RAVER2: variants seen among roughly 807,000 people sequenced by gnomAD.
RAVER2 encodes ribonucleoprotein, PTB binding 2.
In RAVER2, 46 loss-of-function variants were observed where a neutral mutation model predicts 78.1. The observed-to-expected ratio is 0.59, with a 90% confidence interval of 0.46 to 0.75. The LOEUF (loss-of-function observed/expected upper bound fraction) is 0.75. Ranked by LOEUF, RAVER2 falls within the 30% of genes least tolerant of loss-of-function variation. The pLI is 0.00. For missense variants in RAVER2, 793 were observed against 837.5 expected (o/e 0.95, Z 0.66); for synonymous variants, 311 against 313.3 (o/e 0.99, Z 0.08).
chr1:64,794,271 G>T (rs1327475786), intron 5 of RAVER2, among the ~76,000 whole-genome samples: 1 of 151,868 alleles, frequency 6.6e-6, no homozygotes, highest in African/African-American at 2.4e-5. Flanking sequence ...GGTGGTGGGC[G>T]CCTGTAGTCC....
chr1:64,758,570 GAGCTGAGAGGGTCTTC>G (rs1279579891), intron 1 of RAVER2, among the ~76,000 whole-genome samples: 3 of 152,162 alleles, frequency 2.0e-5, no homozygotes, highest in African/African-American at 7.2e-5. Flanking sequence ...CAGTTTCTAG[GAGCTGAGAGGGTCTTC>G]AGCTGACAGC....
At position 64,788,786 on chromosome 1, in the gene RAVER2, C is replaced by G. The variant is rs1205203183; in HGVS notation, c.979-602C>G. ...CAGACTGGGTGACAGAGCGAGACTCCGTCTCAAAAAAAAAAAAAAAAGAAG... is the reference window on the plus strand; with the variant it reads ...CAGACTGGGTGACAGAGCGAGACTCGGTCTCAAAAAAAAAAAAAAAAGAAG... On this transcript the variant is annotated intron_variant, in intron 4 of 11. Transcript: ENST00000294428. Among the ~76,000 whole-genome samples, 4 of 127,138 alleles carry G rather than the reference C, an allele frequency of 3.1e-5. No individual in the cohort carries two copies. In the East Asian group the frequency reaches 8.7e-4, roughly 28 times the overall value. 83.4% of individuals were successfully genotyped at this position (127,138 alleles called of 152,430 possible).
At chr1:64,777,702 C>A (rs746019117) in exon 3 of RAVER2, 33 of 1,613,896 alleles carry the variant, frequency 2.0e-5, no homozygotes, top group Non-Finnish European at 2.8e-5. Context: ...GAGGAAAAGA[C>A]TTAATAGTCC....
intron 2 of RAVER2, among the ~76,000 whole-genome samples, chr1:64,774,448 G>A (rs773527209): frequency 2.6e-5 from 4 of 152,118 alleles, no homozygotes; most frequent in Non-Finnish European, 4.4e-5. Flanking sequence ...TTTCCCCATC[G>A]CTTGTTTTGG....
At chr1:64,811,087 A>C (rs1458690943) in intron 9 of RAVER2, among the ~76,000 whole-genome samples, 1 of 152,228 alleles carries the variant, frequency 6.6e-6, no homozygotes, top group African/African-American at 2.4e-5. Flanking sequence ...TAGCAAAACT[A>C]ACATACATAC....
exon 7 of RAVER2, chr1:64,804,799 A>G (rs1653365919): frequency 1.3e-6 from 2 of 1,558,916 alleles, no homozygotes; most frequent in Admixed American, 1.7e-5. Flanking sequence ...CACTGGCACA[A>G]CAACAATTAA....
intron 4 of RAVER2, among the ~76,000 whole-genome samples, chr1:64,782,276 T>C (rs1342523566): frequency 6.6e-6 from 1 of 152,258 alleles, no homozygotes; most frequent in African/African-American, 2.4e-5. Flanking sequence ...ACATTGTACT[T>C]CCTTCTTTAT....
intron 11 of RAVER2, among the ~76,000 whole-genome samples, chr1:64,827,392 C>A (rs757360475): frequency 6.6e-6 from 1 of 152,032 alleles, no homozygotes; most frequent in Non-Finnish European, 1.5e-5. Context: ...GAGGGGCCTC[C>A]GTTGAAGTTA....
rs555217912 is a variant in RAVER2, at chr1:64,830,329, G to A, written c.1930-510G>A. 5.3e-5 allele frequency among the ~76,000 whole-genome samples: 8 copies of A among 152,290 alleles called. No homozygotes were observed. In the East Asian group the frequency reaches 1.5e-3, roughly 29 times the overall value. ...ATTATTGTGGAGACCAAAGCTCTGA[G>A]TTTCCCATTGCTCTCTAGAATGTTT... On this transcript the variant is annotated intron_variant, in intron 11 of 11. Transcript: ENST00000294428.
chr1:64,804,084 CCTT>C (rs1476933868), intron 6 of RAVER2, among the ~76,000 whole-genome samples: 1 of 152,120 alleles, frequency 6.6e-6, no homozygotes, highest in Non-Finnish European at 1.5e-5. Flanking sequence ...GTTTTTTCCT[CCTT>C]TGGTCTTTTC....
At chr1:64,792,120 A>G (rs1481201226) in intron 5 of RAVER2, among the ~76,000 whole-genome samples, 2 of 152,212 alleles carry the variant, frequency 1.3e-5, no homozygotes, top group Admixed American at 6.5e-5. Flanking sequence ...AAACATAAAT[A>G]GAGATGGTAT....
chr1:64,808,256 C>A (rs1352677726), intron 9 of RAVER2, among the ~76,000 whole-genome samples: 1 of 151,422 alleles, frequency 6.6e-6, no homozygotes. Context: ...ATATTTGTAC[C>A]CTAAAATACA....
Position 64,830,823 on chromosome 1 carries a change from T to C in RAVER2, c.1930-16T>C. On this transcript the variant is annotated splice_polypyrimidine_tract_variant and intron_variant, in intron 11 of 11. Coordinates refer to ENST00000294428, the Ensembl canonical transcript of RAVER2. ...CTTTAGATTTTAAAACTAGCTGCAA[T>C]TTTATTTTCTCATAGGTGTCATCTT... The C allele has an allele frequency of 1.3e-6, 2 of 1,566,128 alleles. No homozygotes were observed. The highest frequency in any genetic ancestry group is 1.7e-6 in the Non-Finnish European group (2 of 1,153,652).
At chr1:64,798,571 T>C (rs1350273317) in intron 5 of RAVER2, among the ~76,000 whole-genome samples, 1 of 152,212 alleles carries the variant, frequency 6.6e-6, no homozygotes, top group Non-Finnish European at 1.5e-5. Flanking sequence ...AAAAGTGTTT[T>C]GATATCTGTT....
intron 11 of RAVER2, among the ~76,000 whole-genome samples, chr1:64,817,599 T>TATA (rs1653785087): frequency 6.6e-6 from 1 of 152,074 alleles, no homozygotes; most frequent in Non-Finnish European, 1.5e-5. Flanking sequence ...TCATGTCCTT[T>TATA]ATAGGGACAT....
chr1:64,821,265 G>T (rs545231440), intron 11 of RAVER2, among the ~76,000 whole-genome samples: 1 of 151,670 alleles, frequency 6.6e-6, no homozygotes, highest in East Asian at 1.9e-4. Context: ...TTTTTTTCTT[G>T]TAAATTTAAG....
intron 11 of RAVER2, among the ~76,000 whole-genome samples, chr1:64,824,714 G>A (rs1653965853): frequency 6.6e-6 from 1 of 152,044 alleles, no homozygotes; most frequent in Non-Finnish European, 1.5e-5. Flanking sequence ...TGGATCACCT[G>A]AGGTCAAGAA....
chr1:64,781,497 G>A (rs772789335), exon 4 of RAVER2: 3 of 1,614,028 alleles, frequency 1.9e-6, no homozygotes, highest in Non-Finnish European at 2.5e-6. Flanking sequence ...GGGCAGCAAA[G>A]TCCAGGTTTC....
intron 11 of RAVER2, among the ~76,000 whole-genome samples, chr1:64,819,724 T>G (rs544750231): frequency 1.3e-5 from 2 of 152,352 alleles, no homozygotes; most frequent in East Asian, 3.9e-4. Flanking sequence ...TGTAAAGAGA[T>G]AATCTTGAGA....
Sources: gnomAD v4.1 joint callset for allele counts (sites outside exome capture counted in the v4.1 genomes callset) on GRCh38, gnomAD v4.1.1 for gene constraint, MANE v1.5 for transcripts, NCBI Gene and HGNC (gene_info 2026-07-23, HGNC 2026-07-21) for gene names.